The following SEPTIN9 variants were observed in gnomAD, a reference collection of about 807,000 sequenced individuals.
SEPTIN9 encodes septin-9.
Under a neutral mutation model 56.6 loss-of-function variants are expected in SEPTIN9, and 13 were observed. The ratio of observed to expected loss-of-function variants is 0.23; its 90% CI spans 0.15 to 0.37. The LOEUF (loss-of-function observed/expected upper bound fraction) is 0.37. Ranked by LOEUF, SEPTIN9 falls within the 10% of genes least tolerant of loss-of-function variation. The pLI, the probability that SEPTIN9 is intolerant of heterozygous loss-of-function variation, is 1.00. For missense variants in SEPTIN9, 650 were observed against 823.1 expected, an observed-to-expected ratio of 0.79 and a Z score of 2.57; for synonymous variants, 332 against 334.1, an observed-to-expected ratio of 0.99 and a Z score of 0.07.
chr17:77,490,334 C>A (rs112407007), intron 7 of SEPTIN9, among the ~76,000 whole-genome samples: 17 of 152,348 alleles, frequency 1.1e-4, no homozygotes, highest in African/African-American at 3.8e-4. Context: ...GGGAGCAGCC[C>A]GCCTGGTGCA....
At chr17:77,368,132 G>A (rs985460698) in intron 2 of SEPTIN9, among the ~76,000 whole-genome samples, 2 of 152,274 alleles carry the variant, frequency 1.3e-5, no homozygotes, top group Middle Eastern at 3.4e-3. Flanking sequence ...TTGGAATGAC[G>A]GTTGCCAGCA....
intron 2 of SEPTIN9, among the ~76,000 whole-genome samples, chr17:77,365,064 G>A (rs1212934325): frequency 2.0e-5 from 3 of 152,172 alleles, no homozygotes; most frequent in Non-Finnish European, 4.4e-5. Flanking sequence ...ATGTGGTTCG[G>A]TCTCCACTGT....
At chr17:77,478,772 C>G (rs1403027621) in intron 3 of SEPTIN9, among the ~76,000 whole-genome samples, 1 of 148,828 alleles carries the variant, frequency 6.7e-6, no homozygotes, top group East Asian at 1.9e-4. Flanking sequence ...CCATTGCACT[C>G]CAGCCTGGGC....
intron 3 of SEPTIN9, among the ~76,000 whole-genome samples, chr17:77,423,686 C>T (rs2144233072): frequency 6.6e-6 from 1 of 152,390 alleles, no homozygotes; most frequent in African/African-American, 2.4e-5. Flanking sequence ...CAATCCTCCA[C>T]TGCCCCCGTC....
Position 77,492,916 on chromosome 17 carries a change from G to C in SEPTIN9, c.1477-64G>C, listed in dbSNP as rs1186714727. 3 of 1,465,022 alleles carry C rather than the reference G, an allele frequency of 2.0e-6. No individual in the cohort carries two copies. Among genetic ancestry groups the C allele is most frequent in the Non-Finnish European group, 2.8e-6 (3 of 1,066,688 alleles). The allele number at this position is 1,465,022 out of a possible 1,614,324, so 90.8% of individuals were successfully genotyped here. A position where few individuals can be genotyped will look rare whatever the true frequency, so the allele number is the denominator to read the frequency against. On this transcript the variant is annotated intron_variant, in intron 9 of 11. Coordinates refer to ENST00000427177, the MANE Select transcript of SEPTIN9 (RefSeq NM_001113491.2). This position sits in a 1 kb window ranked among gnomAD's most constrained non-coding sequence, Gnocchi z 5.4. ...CCAGGCTCAGGGCAGCTCCTCCCGG[G>C]GGCCCAGGGGAGGGAATTGCCTTCC...
At chr17:77,477,569 T>A (rs2039270588) in intron 3 of SEPTIN9, among the ~76,000 whole-genome samples, 1 of 151,992 alleles carries the variant, frequency 6.6e-6, no homozygotes, top group African/African-American at 2.4e-5. Context: ...TGGAGCCGGG[T>A]GTGTTGTGCT....
chr17:77,490,926 G>A, intron 8 of SEPTIN9, 67 bp downstream of exon 8: 1 of 1,243,126 alleles, frequency 8.0e-7, no homozygotes. Flanking sequence ...GCCTGGCAGG[G>A]GCCACCCCGT....
rs1208419515 is a variant in SEPTIN9 at position 77,453,868 on chromosome 17, AG to A, written c.722-28275del. 3 of 167,352 alleles carry A rather than the reference AG, an allele frequency of 1.8e-5. No homozygotes were observed. The highest frequency in any genetic ancestry group is 3.7e-5 in the Non-Finnish European group (3 of 81,988). 10.4% of individuals were successfully genotyped at this position (167,352 alleles called of 1,614,324 possible). A position where few individuals can be genotyped will look rare whatever the true frequency, so the allele number is the denominator to read the frequency against. ...AGGAGGGGACAACCCCGTCCTTAGG[AG>A]CCCCTTCTCCCTGCCCCCAGGCCTG... On this transcript the variant is annotated intron_variant, in intron 3 of 11. Transcript: ENST00000427177. The surrounding 1 kb of genome is among the most constrained non-coding windows in gnomAD (Gnocchi z 4.4).
chr17:77,312,407 G>A (rs574022201), intron 2 of SEPTIN9, among the ~76,000 whole-genome samples: 85 of 152,304 alleles, frequency 5.6e-4, no homozygotes, highest in African/African-American at 1.9e-3. Context: ...CTGCTTCTGC[G>A]CTCCTGGCTC....
intron 3 of SEPTIN9, among the ~76,000 whole-genome samples, chr17:77,460,322 C>T (rs974164067): frequency 6.6e-6 from 1 of 152,108 alleles, no homozygotes; most frequent in African/African-American, 2.4e-5. Context: ...AAGGCCCCTA[C>T]GTTGTGTGTG....
At chr17:77,296,436 C>T (rs1478663888) in intron 1 of SEPTIN9, among the ~76,000 whole-genome samples, 2 of 151,752 alleles carry the variant, frequency 1.3e-5, no homozygotes, top group Admixed American at 1.3e-4. Flanking sequence ...GCTAGATAGA[C>T]AAGCAGACAG....
In SEPTIN9 at chr17:77,400,166, G is replaced by A. The variant is rs1024744687; in HGVS notation, c.77-1893G>A. On this transcript the variant is annotated intron_variant, in intron 2 of 11. Transcript: ENST00000427177. The surrounding 1 kb of genome is among the most constrained non-coding windows in gnomAD (Gnocchi z 4.1). ...TAATTTTTTATTTTTAGTAAAGATG[G>A]GGTTTCACCACATCAGCCAGGCTGC... 2.0e-5 allele frequency among the ~76,000 whole-genome samples: 3 copies of A among 152,214 alleles called. No homozygotes were observed. The highest frequency in any genetic ancestry group is 1.9e-4 in the East Asian group (1 of 5,180).
At chr17:77,438,777 C>T (rs2037443728) in intron 3 of SEPTIN9, among the ~76,000 whole-genome samples, 1 of 152,190 alleles carries the variant, frequency 6.6e-6, no homozygotes, top group South Asian at 2.1e-4. Context: ...TCATTTGCTA[C>T]AGCAGTGATG....
At chr17:77,455,463 G>C (rs1278719017) in intron 3 of SEPTIN9, among the ~76,000 whole-genome samples, 1 of 152,242 alleles carries the variant, frequency 6.6e-6, no homozygotes, top group African/African-American at 2.4e-5. Context: ...AATGGTCACT[G>C]AACAGTCATC....
Position 77,488,955 on chromosome 17 carries a change from G to A in SEPTIN9, c.1262+91G>A. 6.5e-6 allele frequency: 10 copies of A among 1,530,634 alleles called. No homozygotes were observed. The South Asian group carries it at 9.6e-5, about 15-fold the overall frequency. 94.8% of individuals were successfully genotyped at this position (1,530,634 alleles called of 1,614,324 possible). On this transcript the variant is annotated intron_variant, in intron 7 of 11. Transcript: ENST00000427177. ...GCAAGACGGTGCTGTCTGCCCTGCT[G>A]CTGGGTGCAGAGGGGCTGAGTCAGG...
intron 2 of SEPTIN9, among the ~76,000 whole-genome samples, chr17:77,364,204 G>A (rs1186168060): frequency 6.6e-6 from 1 of 152,224 alleles, no homozygotes; most frequent in East Asian, 1.9e-4. Flanking sequence ...CGCGCTTCCT[G>A]TCTGCCTCCC....
Position 77,445,261 on chromosome 17 carries a change from A to G in SEPTIN9, c.722-36883A>G, listed in dbSNP as rs1433714730. 1 of 469,894 alleles carries G rather than the reference A, an allele frequency of 2.1e-6. No homozygotes were observed. Among genetic ancestry groups the G allele is most frequent in the Non-Finnish European group, 4.4e-6 (1 of 227,036 alleles). 29.1% of individuals were successfully genotyped at this position (469,894 alleles called of 1,614,324 possible). ...AATGCATACCAGCCCTCAGAACCACATTCCTGCTCCCCAGCCCTTTCCTCC... is the reference window on the plus strand; with the variant it reads ...AATGCATACCAGCCCTCAGAACCACGTTCCTGCTCCCCAGCCCTTTCCTCC... On this transcript the variant is annotated intron_variant, in intron 3 of 11. Coordinates refer to ENST00000427177, the MANE Select transcript of SEPTIN9 (RefSeq NM_001113491.2). This position sits in a 1 kb window ranked among gnomAD's most constrained non-coding sequence, Gnocchi z 4.7.
chr17:77,450,035 T>C lies in SEPTIN9; in HGVS notation c.722-32109T>C, dbSNP rs955648724. On this transcript the variant is annotated intron_variant, in intron 3 of 11. Coordinates refer to ENST00000427177, the MANE Select transcript of SEPTIN9 (RefSeq NM_001113491.2). The surrounding 1 kb of genome is among the most constrained non-coding windows in gnomAD (Gnocchi z 6.0). ...GGGAACAGGGACTCCGGGCATGCAG[T>C]CTTCTCCCAGACACTCCCCCGGCTC... is the stretch of plus-strand genomic sequence containing the variant. Among the ~76,000 whole-genome samples, 1 of 152,006 alleles carries C rather than the reference T, an allele frequency of 6.6e-6. No individual in the cohort carries two copies. Among genetic ancestry groups the C allele is most frequent in the Non-Finnish European group, 1.5e-5 (1 of 68,008 alleles).
rs191934815 is a variant in SEPTIN9, at chr17:77,327,649, T to C, written c.76+20452T>C. Among the ~76,000 whole-genome samples the C allele has an allele frequency of 3.6e-4, 55 of 152,232 alleles. 1 individual carries two copies. The East Asian group carries it at 0.01, about 28-fold the overall frequency. Reference sequence around the variant, plus strand: ...TTGGGCTCCAGGCTACGCCTTGAAATTGGGACAGAGAGTGGCGCAGATCTC... The same window carrying C: ...TTGGGCTCCAGGCTACGCCTTGAAACTGGGACAGAGAGTGGCGCAGATCTC... On this transcript the variant is annotated intron_variant, in intron 2 of 11. Coordinates refer to ENST00000427177, the MANE Select transcript of SEPTIN9 (RefSeq NM_001113491.2). The surrounding 1 kb of genome is among the most constrained non-coding windows in gnomAD (Gnocchi z 5.0).
Sources: gnomAD v4.1 joint callset for allele counts (sites outside exome capture counted in the v4.1 genomes callset) on GRCh38, gnomAD v4.1.1 for gene constraint, Gnocchi (gnomAD v3.1) non-coding constraint, MANE v1.5 for transcripts, NCBI Gene and HGNC (gene_info 2026-07-23, HGNC 2026-07-21) for gene names.